The following FBXO41 variants were observed in gnomAD, a reference collection of about 807,000 sequenced individuals.
The protein encoded by FBXO41 is F-box only protein 41.
In FBXO41, 33 loss-of-function variants were observed where a neutral mutation model predicts 81.6. That is an observed-to-expected ratio of 0.40 (90% CI 0.31 to 0.54). The LOEUF (loss-of-function observed/expected upper bound fraction) is 0.54. Ranked by LOEUF, FBXO41 falls within the 20% of genes least tolerant of loss-of-function variation. The pLI is 0.39. For synonymous variants in FBXO41, 576 were observed against 552.7 expected, an observed-to-expected ratio of 1.04 and a Z score of -0.59; for missense variants, 1,107 against 1,236.0, an observed-to-expected ratio of 0.90 and a Z score of 1.56.
At chr2:73,265,812 G>A in intron 4 of FBXO41, 81 bp downstream of exon 4, 3 of 1,496,464 alleles carry the variant, frequency 2.0e-6, no homozygotes, top group South Asian at 1.2e-5. Flanking sequence ...GGGCAGGAGG[G>A]TGACACAAGC....
Position 73,263,276 on chromosome 2 carries a change from A to G in FBXO41, c.2108T>C (p.Ile703Thr). 1 of 1,551,714 alleles carries G rather than the reference A, an allele frequency of 6.4e-7. No homozygotes were observed. The change falls in exon 9 of 13, where the codon ATT (isoleucine) becomes ACT (threonine). Residue 703 changes from isoleucine (I) to threonine (T), a missense_variant. Coordinates refer to ENST00000520530, the MANE Select transcript of FBXO41 (RefSeq NM_001371389.2). ...SATDPVGHEVIWALGAGCREI... is the reference protein window; with the variant it reads ...SATDPVGHEVTWALGAGCREI... ...TCTGCAGCCTGCGCCCAGGGCCCAA[A>G]TGACCTCATGGCCCACGGGGTCTGT...
At chr2:73,278,455 A>C (rs375508977) in intron 1 of FBXO41, among the ~76,000 whole-genome samples, 2 of 152,226 alleles carry the variant, frequency 1.3e-5, no homozygotes, top group African/African-American at 4.8e-5. Context: ...AATTTATTCT[A>C]TATCTATTTA....
At chr2:73,276,671 C>T (rs1688700148) in intron 1 of FBXO41, among the ~76,000 whole-genome samples, 1 of 150,282 alleles carries the variant, frequency 6.7e-6, no homozygotes, top group South Asian at 2.1e-4. Flanking sequence ...AAGATAACTG[C>T]TGGCACAGAG....
rs767370426 is a variant in FBXO41, at chr2:73,263,969, CCTT to C, written c.1888_1890del (p.Lys630del). The C allele has an allele frequency of 5.6e-6, 9 of 1,607,780 alleles. No homozygotes were observed. The African/African-American group carries it at 8.0e-5, about 14-fold the overall frequency. Reference sequence around the variant, plus strand: ...CTCCGGGCATACTCCTCCTTGCTCTCCTTCTTTCCCCGCTGCCGGGGCTTCAAG... The same window carrying C: ...CTCCGGGCATACTCCTCCTTGCTCTCCTTTCCCCGCTGCCGGGGCTTCAAG... On this transcript the variant is annotated inframe_deletion, in exon 7 of 13. Transcript: ENST00000520530.
rs1231784548 is a variant in FBXO41 at position 73,271,072 on chromosome 2, G to A, written c.-138-1304C>T. On this transcript the variant is annotated intron_variant, in intron 1 of 12. Coordinates refer to ENST00000520530, the MANE Select transcript of FBXO41 (RefSeq NM_001371389.2). ...TCCTCATTCCCTGAGGTCTGCCTCT[G>A]GAGCCCTCCATCTCTATTCTCCCCC... The A allele has an allele frequency of 1.0e-5, 4 of 390,918 alleles. No individual in the cohort carries two copies. In the East Asian group the frequency reaches 2.2e-4, roughly 21 times the overall value. 24.2% of individuals were successfully genotyped at this position (390,918 alleles called of 1,614,324 possible). A position where few individuals can be genotyped will look rare whatever the true frequency, so the allele number is the denominator to read the frequency against.
chr2:73,261,919 T>C (rs766618585), intron 9 of FBXO41, among the ~76,000 whole-genome samples: 2 of 152,140 alleles, frequency 1.3e-5, no homozygotes, highest in Non-Finnish European at 2.9e-5. Context: ...GATAGAAATA[T>C]AAAGAAATTA....
intron 1 of FBXO41, among the ~76,000 whole-genome samples, chr2:73,278,416 A>G (rs1034037760): frequency 2.0e-5 from 3 of 152,154 alleles, no homozygotes; most frequent in African/African-American, 7.2e-5. Flanking sequence ...TCTAGCCTAG[A>G]TTTCTCTCCT....
Position 73,256,766 on chromosome 2 carries a change from A to G in FBXO41, c.*2216T>C. On this transcript the variant is annotated 3_prime_UTR_variant, in exon 13 of 13. Coordinates refer to ENST00000520530, the MANE Select transcript of FBXO41 (RefSeq NM_001371389.2). ...AACTAGCATCTGTCCTTTCAGCACCACCTTTCTCCCACCCTAGCTCACTAC... is the reference window on the plus strand; with the variant it reads ...AACTAGCATCTGTCCTTTCAGCACCGCCTTTCTCCCACCCTAGCTCACTAC... 1 of 152,558 alleles carries G rather than the reference A, an allele frequency of 6.6e-6. No homozygotes were observed. Among genetic ancestry groups the G allele is most frequent in the East Asian group, 1.9e-4 (1 of 5,188 alleles). 9.5% of individuals were successfully genotyped at this position (152,558 alleles called of 1,614,324 possible).
rs761107025 is a variant in FBXO41, at chr2:73,263,793, C to A, written c.1960G>T (p.Ala654Ser). The A allele has an allele frequency of 6.2e-7, 1 of 1,614,048 alleles. No individual in the cohort carries two copies. Among genetic ancestry groups the A allele is most frequent in the Non-Finnish European group, 8.5e-7 (1 of 1,179,894 alleles). ...LEAGLESLLK[A>S]AGGNLLILRI... is the part of the protein sequence containing the mutation. The stretch of plus-strand genomic sequence containing the variant: ...AGGATCAGCAGGTTCCCCCCAGCTG[C>A]CTTCAGCAGGGACTCCAGCCCAGCT... Residue 654 changes from alanine (A) to serine (S), a missense_variant, in exon 8 of 13, where the codon GCA becomes TCA. Physicochemically the swap from Ala to Ser is moderately conservative, Grantham distance 99. This residue lies in a region of FBXO41 where 336 missense variants were observed against 446.7 expected (regional missense o/e 0.75). Transcript: ENST00000520530.
intron 9 of FBXO41, 142 bp downstream of exon 9, chr2:73,263,071 T>C: frequency 1.5e-6 from 1 of 645,546 alleles, no homozygotes; most frequent in Non-Finnish European, 2.5e-6. Context: ...AAAGCCCTGC[T>C]CCTAATGCCT....
rs1687914849 is a variant in FBXO41 at position 73,259,017 on chromosome 2, T to G, written c.2593A>C (p.Lys865Gln). The G allele has an allele frequency of 6.3e-7, 1 of 1,597,884 alleles. No homozygotes were observed. Among genetic ancestry groups the G allele is most frequent in the African/African-American group, 1.3e-5 (1 of 74,476 alleles). The change falls in exon 13 of 13, where the codon AAG becomes CAG. Residue 865 changes from lysine to glutamine, a missense_variant. Physicochemically the swap from Lys to Gln is moderately conservative, Grantham distance 53 (BLOSUM62 1). This residue lies in a region of FBXO41 where 336 missense variants were observed against 446.7 expected (regional missense o/e 0.75). Coordinates refer to ENST00000520530, the MANE Select transcript of FBXO41 (RefSeq NM_001371389.2). This position sits in a 1 kb window ranked among gnomAD's most constrained non-coding sequence, Gnocchi z 4.2. ...QALRRRPGFS[K>Q]ILHIKVEGGC ...CCTTCCACCTTGATGTGCAGAATCT[T>G]AGAGAAGCCGGGCCTCCGTCGCAGA...
At chr2:73,274,650 C>A (rs987399533) in intron 1 of FBXO41, among the ~76,000 whole-genome samples, 6 of 152,102 alleles carry the variant, frequency 3.9e-5, no homozygotes, top group Admixed American at 1.3e-4. Flanking sequence ...AAACAAATAG[C>A]CCTAATACCA....
Position 73,256,081 on chromosome 2 carries a change from G to T in FBXO41, c.*2901C>A, listed in dbSNP as rs531842046. 1 of 152,296 alleles carries T rather than the reference G, an allele frequency of 6.6e-6. No individual in the cohort carries two copies. Among genetic ancestry groups the T allele is most frequent in the South Asian group, 2.1e-4 (1 of 4,828 alleles). 9.4% of individuals were successfully genotyped at this position (152,296 alleles called of 1,614,324 possible). A position where few individuals can be genotyped will look rare whatever the true frequency, so the allele number is the denominator to read the frequency against. ...CACCAACCTCCCAGGTAGGTACTGG[G>T]GCCAGACTGGATGGCAGGGGGTGGT... is the stretch of plus-strand genomic sequence containing the variant. On this transcript the variant is annotated 3_prime_UTR_variant, in exon 13 of 13. Coordinates refer to ENST00000520530, the MANE Select transcript of FBXO41 (RefSeq NM_001371389.2).
Position 73,254,943 on chromosome 2 carries a change from C to G in FBXO41, c.*4039G>C, listed in dbSNP as rs1687752067. ...CAAAAATTGCTCTCCACCCCTCTGCCTGTGCTTGGGGCTGGGGAAGCTACC... is the reference window on the plus strand; with the variant it reads ...CAAAAATTGCTCTCCACCCCTCTGCGTGTGCTTGGGGCTGGGGAAGCTACC... On this transcript the variant is annotated 3_prime_UTR_variant, in exon 13 of 13. Coordinates refer to ENST00000520530, the MANE Select transcript of FBXO41 (RefSeq NM_001371389.2). 6.5e-6 allele frequency: 1 copy of G among 152,736 alleles called. No homozygotes were observed. The highest frequency in any genetic ancestry group is 2.4e-5 in the African/African-American group (1 of 41,464). 9.5% of individuals were successfully genotyped at this position (152,736 alleles called of 1,614,324 possible). A position where few individuals can be genotyped will look rare whatever the true frequency, so the allele number is the denominator to read the frequency against.
In FBXO41 at chr2:73,269,800, G is replaced by C. The variant is rs1688433701; in HGVS notation, c.-138-32C>G. ...GAGACGCGATGAGTCTTAGGAAGAG[G>C]GTATCGCTGCTCCCACCCTGGCTCC... is the stretch of plus-strand genomic sequence containing the variant. On this transcript the variant is annotated intron_variant, in intron 1 of 12. Transcript: ENST00000520530. The surrounding 1 kb of genome is among the most constrained non-coding windows in gnomAD (Gnocchi z 7.0). 2 of 258,962 alleles carry C rather than the reference G, an allele frequency of 7.7e-6. No individual in the cohort carries two copies. Among genetic ancestry groups the C allele is most frequent in the South Asian group, 3.2e-4 (2 of 6,236 alleles). 16.0% of individuals were successfully genotyped at this position (258,962 alleles called of 1,614,324 possible).
chr2:73,268,683 C>T, intron 2 of FBXO41, 43 bp downstream of exon 2: 2 of 1,469,390 alleles, frequency 1.4e-6, no homozygotes, highest in Non-Finnish European at 1.8e-6. Flanking sequence ...CACAGTGACC[C>T]GCACAGGCAC....
intron 1 of FBXO41, among the ~76,000 whole-genome samples, chr2:73,275,812 A>C (rs1688665937): frequency 6.6e-6 from 1 of 151,186 alleles, no homozygotes; most frequent in South Asian, 2.1e-4. Flanking sequence ...TTTTGGACAG[A>C]GTTTCGCTGT....
At chr2:73,276,644 C>G (rs1688699230) in intron 1 of FBXO41, among the ~76,000 whole-genome samples, 1 of 139,582 alleles carries the variant, frequency 7.2e-6, no homozygotes, top group African/African-American at 2.8e-5. Context: ...TTATATATAA[C>G]ACATGGGGGA....
Position 73,266,598 on chromosome 2 carries a change from C to T in FBXO41, c.990G>A (p.Glu330=), listed in dbSNP as rs570506506. 2.5e-6 allele frequency: 4 copies of T among 1,611,426 alleles called. No homozygotes were observed. The Admixed American group carries it at 5.0e-5, about 20-fold the overall frequency. The change falls in exon 3 of 13, where the codon GAG becomes GAA. Residue 330 remains glutamate, a synonymous_variant. Transcript: ENST00000520530. This position sits in a 1 kb window ranked among gnomAD's most constrained non-coding sequence, Gnocchi z 5.3. ...SAKLRLQQFI[E]ELLERADRAE... ...CACGGTCAGCCCGCTCAAGGAGCTC[C>T]TCAATGAACTGCTGCAGCCGCAGCT...
Sources: allele counts gnomAD v4.1 joint callset (sites outside exome capture counted in the v4.1 genomes callset), GRCh38; gene constraint gnomAD v4.1.1; regional missense constraint gnomAD v4.1.1; non-coding constraint Gnocchi (gnomAD v3.1); transcripts MANE v1.5; gene names NCBI Gene and HGNC (gene_info 2026-07-23, HGNC 2026-07-21).